The following SEC24B variants were observed in gnomAD, a reference collection of about 807,000 sequenced individuals.
The protein encoded by SEC24B is protein transport protein Sec24B.
In SEC24B, 45 loss-of-function variants were observed where a neutral mutation model predicts 142.8. The observed-to-expected ratio is 0.32, with a 90% CI of 0.25 to 0.40. The LOEUF (loss-of-function observed/expected upper bound fraction) is 0.40. Among genes scored for constraint, SEC24B ranks in the 10% least tolerant of loss-of-function variants. SEC24B has a pLI of 1.00. For synonymous variants in SEC24B, 574 were observed against 568.2 expected, an observed-to-expected ratio of 1.01 and a Z score of -0.15; for missense variants, 1,409 against 1,526.8, an observed-to-expected ratio of 0.92 and a Z score of 1.29.
chr4:109,481,971 T>C (rs1055057172), intron 4 of SEC24B, among the ~76,000 whole-genome samples, 190 bp downstream of exon 4: 2 of 152,246 alleles, frequency 1.3e-5, no homozygotes, highest in African/African-American at 4.8e-5. Flanking sequence ...TTTAGGCATC[T>C]TTGCCATATT....
intron 2 of SEC24B, among the ~76,000 whole-genome samples, chr4:109,469,420 CAT>C (rs1243013328): frequency 6.6e-6 from 1 of 152,178 alleles, no homozygotes; most frequent in African/African-American, 2.4e-5. Context: ...GTGCTATCCT[CAT>C]AAAGTTTGCA....
chr4:109,441,332 A>G (rs1190288611), intron 1 of SEC24B, among the ~76,000 whole-genome samples: 4 of 152,210 alleles, frequency 2.6e-5, no homozygotes, highest in Non-Finnish European at 4.4e-5. Context: ...ATAAAAGATG[A>G]TAGTGATACT....
At chr4:109,513,035 T>C (rs1333989760) in intron 9 of SEC24B, among the ~76,000 whole-genome samples, 4 of 146,468 alleles carry the variant, frequency 2.7e-5, no homozygotes, top group Non-Finnish European at 4.5e-5. Context: ...AGTGCAGTGG[T>C]GCGATCTCAG....
chr4:109,515,872 C>G (rs1054691235), intron 10 of SEC24B, among the ~76,000 whole-genome samples: 2 of 150,074 alleles, frequency 1.3e-5, no homozygotes, highest in Non-Finnish European at 3.0e-5. Flanking sequence ...AACCCCCCCC[C>G]ACCCCCATCT....
chr4:109,505,132 T>C lies in SEC24B; in HGVS notation c.1489-1196T>C, dbSNP rs147652646. Among the ~76,000 whole-genome samples, 15 of 152,210 alleles carry C rather than the reference T, an allele frequency of 9.9e-5. No individual in the cohort carries two copies. In the East Asian group the frequency reaches 2.7e-3, roughly 27 times the overall value. On this transcript the variant is annotated intron_variant, in intron 6 of 23. Transcript: ENST00000265175. ...AATACCTTATTGTATTAGTACCTTA[T>C]TGTAATGTTTTTTGACATTAGAATT...
At chr4:109,494,910 C>G in intron 6 of SEC24B, 54 bp downstream of exon 6, 1 of 1,592,118 alleles carries the variant, frequency 6.3e-7, no homozygotes, top group Non-Finnish European at 8.6e-7. Flanking sequence ...TTAATTCTGA[C>G]AAGTTACTGG....
chr4:109,484,387 A>G (rs951416838), intron 4 of SEC24B, among the ~76,000 whole-genome samples: 1 of 152,180 alleles, frequency 6.6e-6, no homozygotes, highest in African/African-American at 2.4e-5. Flanking sequence ...TTGTTCTCAT[A>G]TTGATGAGGT....
chr4:109,448,860 T>C (rs1330400317), intron 1 of SEC24B, among the ~76,000 whole-genome samples: 1 of 152,232 alleles, frequency 6.6e-6, no homozygotes, highest in East Asian at 1.9e-4. Flanking sequence ...TTTCAGGATT[T>C]AATTCAGGAT....
chr4:109,493,480 G>T (rs1486948371), intron 5 of SEC24B, among the ~76,000 whole-genome samples: 3 of 151,992 alleles, frequency 2.0e-5, no homozygotes, highest in African/African-American at 7.2e-5. Flanking sequence ...TACTGTTTTT[G>T]TATATGATAT....
intron 6 of SEC24B, among the ~76,000 whole-genome samples, chr4:109,500,236 G>T (rs763511827): frequency 6.6e-6 from 1 of 152,026 alleles, no homozygotes; most frequent in African/African-American, 2.4e-5. Flanking sequence ...AAGTCATTGC[G>T]GTTCTTGCCA....
intron 1 of SEC24B, chr4:109,450,683 A>C (rs1456213196): frequency 1.3e-5 from 2 of 149,200 alleles, no homozygotes; most frequent in African/African-American, 5.0e-5. Context: ...AAATTTACTC[A>C]CTAATTTTAG....
chr4:109,532,571 G>T, intron 20 of SEC24B, 68 bp from the exon 21 acceptor site: 1 of 1,160,866 alleles, frequency 8.6e-7, no homozygotes, highest in South Asian at 1.3e-5. Flanking sequence ...AAGGGTTAGT[G>T]ACCATTAGCT....
intron 2 of SEC24B, among the ~76,000 whole-genome samples, chr4:109,472,528 C>T (rs923081495): frequency 6.6e-6 from 1 of 152,138 alleles, no homozygotes; most frequent in Non-Finnish European, 1.5e-5. Context: ...AAAATGAGAT[C>T]TGAACTGATA....
At position 109,506,443 on chromosome 4, in the gene SEC24B, C is replaced by G. The variant is rs2126036346; in HGVS notation, c.1604C>G (p.Pro535Arg). Residue 535 changes from proline (P) to arginine (R), a missense_variant, in exon 7 of 24, where the codon CCT becomes CGT. Physicochemically the swap from Pro to Arg is moderately radical, Grantham distance 103. Coordinates refer to ENST00000265175, the MANE Select transcript of SEC24B (RefSeq NM_006323.5). ...CTTACTCAGGAGAGGAATATTTTAC[C>G]TATGACTCCTGTTTGGGCTCCTGTA... Reference protein sequence around the residue: ...VNLTQERNILPMTPVWAPVPN... With the variant: ...VNLTQERNILRMTPVWAPVPN... 6.2e-7 allele frequency: 1 copy of G among 1,609,570 alleles called. No individual in the cohort carries two copies.
intron 3 of SEC24B, among the ~76,000 whole-genome samples, chr4:109,476,724 C>A (rs1037867755): frequency 1.5e-5 from 2 of 131,220 alleles, no homozygotes; most frequent in Non-Finnish European, 1.5e-5. Context: ...ATTTGCAAAT[C>A]CCTTTAACTT....
At chr4:109,536,687 G>A (rs551309664) in intron 22 of SEC24B, among the ~76,000 whole-genome samples, 3 of 152,080 alleles carry the variant, frequency 2.0e-5, no homozygotes, top group East Asian at 1.9e-4. Flanking sequence ...CTGCCACCAC[G>A]CCCAGCTAAT....
At chr4:109,435,373 A>C (rs1192827326) in intron 1 of SEC24B, among the ~76,000 whole-genome samples, 1 of 152,228 alleles carries the variant, frequency 6.6e-6, no homozygotes, top group Admixed American at 6.5e-5. Context: ...ACCTTAATAT[A>C]AGTTCTTGTT....
Position 109,463,330 on chromosome 4 carries a change from T to C in SEC24B, c.563T>C (p.Val188Ala). 4 of 1,614,210 alleles carry C rather than the reference T, an allele frequency of 2.5e-6. No homozygotes were observed. Among genetic ancestry groups the C allele is most frequent in the Non-Finnish European group, 3.4e-6 (4 of 1,180,026 alleles). Reference protein sequence around the residue: ...STCGHYAMSTVSNAAYPSVSY... With the variant: ...STCGHYAMSTASNAAYPSVSY... ...TGTGGTCATTATGCTATGTCAACTG[T>C]TTCTAATGCCGCGTATCCTAGTGTT... The change falls in exon 2 of 24, where the codon GTT becomes GCT. Residue 188 changes from valine (V) to alanine (A), a missense_variant. Coordinates refer to ENST00000265175, the MANE Select transcript of SEC24B (RefSeq NM_006323.5).
intron 6 of SEC24B, among the ~76,000 whole-genome samples, chr4:109,495,952 A>G (rs113764431): frequency 5.2e-4 from 79 of 152,160 alleles, no homozygotes; most frequent in African/African-American, 1.7e-3. Context: ...TTTAACTCCT[A>G]TATCACTGCT....
Sources: allele counts gnomAD v4.1 joint callset (sites outside exome capture counted in the v4.1 genomes callset), GRCh38; gene constraint gnomAD v4.1.1; transcripts MANE v1.5; gene names NCBI Gene and HGNC (gene_info 2026-07-23, HGNC 2026-07-21).